DHTKD1: variants seen among roughly 807,000 people sequenced by gnomAD.
DHTKD1 encodes the protein dehydrogenase E1 and transketolase domain containing 1.
In DHTKD1, 78 loss-of-function variants were observed where a neutral mutation model predicts 101.8. The ratio of observed to expected loss-of-function variants is 0.77; its 90% CI spans 0.64 to 0.93. The LOEUF is 0.93. DHTKD1 is among the 40% of genes least tolerant of loss of function. The pLI, the probability that DHTKD1 is intolerant of heterozygous loss-of-function variation, is 0.00. For synonymous variants in DHTKD1, 462 were observed against 450.3 expected (o/e 1.03, Z -0.33); for missense variants, 1,223 against 1,161.7 (o/e 1.05, Z -0.77).
rs1288679729 is a variant in DHTKD1, at chr10:12,103,491, C to CCGTG, written c.1896+2310_1896+2311insCGTG. Reference sequence around the variant, plus strand: ...CCCCAACTTCGTTGTACATCTCAATCTGTGTGTGTGTGTGTGTGTGTGTGT... The same window carrying CCGTG: ...CCCCAACTTCGTTGTACATCTCAATCCGTGTGTGTGTGTGTGTGTGTGTGTGTGT... On this transcript the variant is annotated intron_variant, in intron 10 of 16. Transcript: ENST00000263035. This position sits in a 1 kb window ranked among gnomAD's most constrained non-coding sequence, Gnocchi z 4.8. Among the ~76,000 whole-genome samples, 6 of 144,992 alleles carry CCGTG rather than the reference C, an allele frequency of 4.1e-5. No homozygotes were observed. Among genetic ancestry groups the CCGTG allele is most frequent in the African/African-American group, 1.5e-4 (6 of 39,374 alleles).
rs1424663132 is a variant in DHTKD1, at chr10:12,081,643, A to G, written c.310+16A>G. 6.2e-7 allele frequency: 1 copy of G among 1,613,836 alleles called. No homozygotes were observed. The highest frequency in any genetic ancestry group is 8.5e-7 in the Non-Finnish European group (1 of 1,179,832). On this transcript the variant is annotated intron_variant, in intron 2 of 16. Coordinates refer to ENST00000263035, the MANE Select transcript of DHTKD1 (RefSeq NM_018706.7). ...CACACGGCAGGTATGGCTTCTGCAC[A>G]GCAGGCGGGAGCTCGGAGCTGCACA...
chr10:12,085,592 C>T (rs976675969), intron 3 of DHTKD1, among the ~76,000 whole-genome samples: 8 of 152,090 alleles, frequency 5.3e-5, no homozygotes, highest in African/African-American at 1.9e-4. Context: ...TAAGACCTTA[C>T]TTCTGACTGG....
At chr10:12,102,669 C>A (rs1833189288) in intron 10 of DHTKD1, among the ~76,000 whole-genome samples, 1 of 151,988 alleles carries the variant, frequency 6.6e-6, no homozygotes, top group East Asian at 1.9e-4. Context: ...CAATTAAATG[C>A]CTTGTGTCTG....
At chr10:12,072,069 G>A (rs1480271421) in intron 1 of DHTKD1, among the ~76,000 whole-genome samples, 2 of 152,162 alleles carry the variant, frequency 1.3e-5, no homozygotes, top group African/African-American at 2.4e-5. Context: ...AGCGTGCGCC[G>A]GGTTCACTGG....
In DHTKD1 at chr10:12,121,231, A is replaced by AAC. The variant is rs1554795092; in HGVS notation, c.*344_*345insCA. The AAC allele has an allele frequency of 2.7e-5, 6 of 226,042 alleles. No individual in the cohort carries two copies. Among genetic ancestry groups the AAC allele is most frequent in the African/African-American group, 1.4e-4 (6 of 43,778 alleles). The allele number at this position is 226,042 out of a possible 1,614,324, so 14.0% of individuals were successfully genotyped here. On this transcript the variant is annotated 3_prime_UTR_variant, in exon 17 of 17. Coordinates refer to ENST00000263035, the MANE Select transcript of DHTKD1 (RefSeq NM_018706.7). ...CAAGACTGCGTTTCAAAAAAAAAAAAAAAAAAACCCATTAAAAGAGGCCTC... is the reference window on the plus strand; with the variant it reads ...CAAGACTGCGTTTCAAAAAAAAAAAAACAAAAAAACCCATTAAAAGAGGCCTC...
chr10:12,100,293 T>TTTTTTTTTTTTTTTTTTTTTTTTTTTTTG, intron 9 of DHTKD1, 31 bp downstream of exon 9: 1 of 874,048 alleles, frequency 1.1e-6, no homozygotes, highest in Non-Finnish European at 1.7e-6. Context: ...TTCTGTTTTT[T>TTTTTTTTTTTTTTTTTTTTTTTTTTTTTG]TTTTTTTTGA....
At chr10:12,101,747 G>A (rs1376627303) in intron 10 of DHTKD1, among the ~76,000 whole-genome samples, 2 of 152,116 alleles carry the variant, frequency 1.3e-5, no homozygotes, top group Non-Finnish European at 2.9e-5. Context: ...GGGACCACGG[G>A]AATGAGGTGC....
At chr10:12,116,134 T>C (rs1030268113) in intron 13 of DHTKD1, 3 of 152,182 alleles carry the variant, frequency 2.0e-5, no homozygotes, top group African/African-American at 4.8e-5. Context: ...TTTCGCCATG[T>C]GGGCCAGGCT....
rs925592779 is a variant in DHTKD1, at chr10:12,121,286, G to A, written c.*398G>A. 2 of 195,646 alleles carry A rather than the reference G, an allele frequency of 1.0e-5. No individual in the cohort carries two copies. Among genetic ancestry groups the A allele is most frequent in the African/African-American group, 4.6e-5 (2 of 43,192 alleles). The allele number at this position is 195,646 out of a possible 1,614,324, so 12.1% of individuals were successfully genotyped here. A position where few individuals can be genotyped will look rare whatever the true frequency, so the allele number is the denominator to read the frequency against. On this transcript the variant is annotated 3_prime_UTR_variant, in exon 17 of 17. Transcript: ENST00000263035. ...CTCCACTCTCTCAACCCCTCTGTTG[G>A]GTAACATGAAAAGACTGTATTCCTC...
intron 10 of DHTKD1, among the ~76,000 whole-genome samples, chr10:12,105,156 G>A (rs533816836): frequency 6.6e-6 from 1 of 152,122 alleles, no homozygotes; most frequent in East Asian, 1.9e-4. Context: ...TAATTGTAAT[G>A]TCTTTTTAAC....
rs1554795085 is a variant in DHTKD1 at position 12,121,238 on chromosome 10, A to AAC, written c.*350_*351insAC. ...GCGTTTCAAAAAAAAAAAAAAAAAA[A>AAC]CCCATTAAAAGAGGCCTCCTTCCTC... On this transcript the variant is annotated 3_prime_UTR_variant, in exon 17 of 17. Transcript: ENST00000263035. The AAC allele has an allele frequency of 3.1e-5, 7 of 223,994 alleles. No homozygotes were observed. The highest frequency in any genetic ancestry group is 1.0e-4 in the Admixed American group (2 of 19,274). 13.9% of individuals were successfully genotyped at this position (223,994 alleles called of 1,614,324 possible).
At chr10:12,069,298 G>C (rs1438684970) in intron 1 of DHTKD1, 111 bp downstream of exon 1, 1 of 954,826 alleles carries the variant, frequency 1.0e-6, no homozygotes, top group Admixed American at 3.0e-5. Flanking sequence ...GCCTGAACGC[G>C]CGGCCGGTGG....
At chr10:12,102,122 C>A (rs1833179993) in intron 10 of DHTKD1, among the ~76,000 whole-genome samples, 2 of 152,056 alleles carry the variant, frequency 1.3e-5, no homozygotes, top group Non-Finnish European at 2.9e-5. Flanking sequence ...GTTACTGACA[C>A]CTTATAAAAA....
At chr10:12,099,836 G>A (rs148562189) in intron 8 of DHTKD1, among the ~76,000 whole-genome samples, 1,422 of 117,498 alleles carry the variant, frequency 0.012, 35 homozygotes, top group African/African-American at 0.044. Flanking sequence ...TTGCTCTGTC[G>A]CCCAGGCTGT....
chr10:12,120,386 T>C, intron 16 of DHTKD1, 119 bp downstream of exon 16: 1 of 838,604 alleles, frequency 1.2e-6, no homozygotes, highest in African/African-American at 1.7e-5. Context: ...CAGGCTGGAG[T>C]GCAGTGGCGC....
At chr10:12,086,454 C>T (rs1035638057) in intron 3 of DHTKD1, among the ~76,000 whole-genome samples, 3 of 151,446 alleles carry the variant, frequency 2.0e-5, no homozygotes, top group South Asian at 2.1e-4. Flanking sequence ...CTCCTGACCT[C>T]GTGATTCACT....
intron 8 of DHTKD1, among the ~76,000 whole-genome samples, chr10:12,098,934 G>C (rs951212141): frequency 6.6e-6 from 1 of 152,212 alleles, no homozygotes; most frequent in Non-Finnish European, 1.5e-5. Context: ...GCTTTGGAAG[G>C]CCAAGGTGGA....
rs1472768699 is a variant in DHTKD1, at chr10:12,091,593, T to C, written c.1068T>C (p.Ile356=). The part of the protein sequence containing the change: ...FTLSNLPHFR[I]GGSVHLIVNN... ...TGTCCAATCTCCCACATTTCAGAAT[T>C]GGTGGGAGTGTGCATTTGATTGTTA... Residue 356 remains isoleucine (I), a synonymous_variant, in exon 6 of 17, where the codon ATT becomes ATC. Transcript: ENST00000263035. 1.2e-6 allele frequency: 2 copies of C among 1,613,442 alleles called. No homozygotes were observed. The highest frequency in any genetic ancestry group is 8.5e-7 in the Non-Finnish European group (1 of 1,179,792).
At chr10:12,072,578 A>G (rs1344233470) in intron 1 of DHTKD1, among the ~76,000 whole-genome samples, 2 of 152,126 alleles carry the variant, frequency 1.3e-5, no homozygotes, top group Non-Finnish European at 2.9e-5. Context: ...CACTAGTTAC[A>G]ATTTGACCCA....
Sources: gnomAD v4.1 joint callset for allele counts (sites outside exome capture counted in the v4.1 genomes callset) on GRCh38, gnomAD v4.1.1 for gene constraint, Gnocchi (gnomAD v3.1) non-coding constraint, MANE v1.5 for transcripts, NCBI Gene and HGNC (gene_info 2026-07-23, HGNC 2026-07-21) for gene names.